Variants in GPLD1 observed in about 807,000 individuals in gnomAD.
GPLD1 encodes the protein phosphatidylinositol-glycan-specific phospholipase D.
GPLD1 carries 84 observed loss-of-function variants against 112.6 expected under a neutral mutation model. That is an observed-to-expected ratio of 0.75 (90% CI 0.63 to 0.89). The LOEUF (loss-of-function observed/expected upper bound fraction) is 0.89, where lower values mean the gene tolerates loss of function less well. Among genes scored for constraint, GPLD1 ranks in the 40% least tolerant of loss-of-function variants. GPLD1 has a pLI of 0.00. For missense variants in GPLD1, 1,044 were observed against 1,051.5 expected (o/e 0.99, Z 0.10); for synonymous variants, 386 against 403.8 (o/e 0.96, Z 0.53).
intron 17 of GPLD1, among the ~76,000 whole-genome samples, chr6:24,447,557 A>G (rs1031635386): frequency 4.3e-4 from 65 of 151,750 alleles, no homozygotes; most frequent in African/African-American, 1.0e-3. Flanking sequence ...AACAACAACA[A>G]CAGCTATGGA....
At chr6:24,480,857 C>G (rs966479383) in intron 2 of GPLD1, among the ~76,000 whole-genome samples, 1 of 152,214 alleles carries the variant, frequency 6.6e-6, no homozygotes, top group African/African-American at 2.4e-5. Flanking sequence ...GGCCCAGCCT[C>G]CACCACGGAG....
chr6:24,440,577 T>C (rs796901303), intron 20 of GPLD1, among the ~76,000 whole-genome samples: 7 of 27,538 alleles, frequency 2.5e-4, no homozygotes, highest in African/African-American at 4.1e-4. Flanking sequence ...GTGTAAAAAA[T>C]ACTCAAAAAA....
chr6:24,430,033 T>A (rs1762354779), intron 24 of GPLD1, among the ~76,000 whole-genome samples: 1 of 152,170 alleles, frequency 6.6e-6, no homozygotes, highest in Non-Finnish European at 1.5e-5. Flanking sequence ...ACTGATGAAA[T>A]CTAGAAATAA....
chr6:24,457,190 A>G (rs770735519), intron 12 of GPLD1, among the ~76,000 whole-genome samples: 22 of 152,208 alleles, frequency 1.4e-4, no homozygotes, highest in Admixed American at 5.9e-4. Context: ...TTTTTAAAAG[A>G]CAAGTCTGTC....
At chr6:24,437,651 C>T (rs140557771) in intron 20 of GPLD1, among the ~76,000 whole-genome samples, 2 of 152,350 alleles carry the variant, frequency 1.3e-5, no homozygotes, top group Non-Finnish European at 2.9e-5. Context: ...CAAGGCCTTA[C>T]AGAATCTGAC....
chr6:24,471,141 G>A (rs977169878), intron 7 of GPLD1, among the ~76,000 whole-genome samples: 3 of 152,148 alleles, frequency 2.0e-5, no homozygotes, highest in Non-Finnish European at 4.4e-5. Flanking sequence ...ATATTGTTCA[G>A]GGACCAAAAG....
intron 23 of GPLD1, 44 bp from the exon 24 acceptor site, chr6:24,433,281 G>GTAA: frequency 6.3e-7 from 1 of 1,590,136 alleles, no homozygotes; most frequent in South Asian, 1.1e-5. Context: ...AGAACATAGT[G>GTAA]TAATACTTTA....
intron 8 of GPLD1, 77 bp downstream of exon 8, chr6:24,467,090 G>A: frequency 5.3e-6 from 6 of 1,141,984 alleles, no homozygotes; most frequent in Non-Finnish European, 6.6e-6. Context: ...TCCAGTCTCA[G>A]GAAACAAAAA....
At chr6:24,436,489 A>G (rs1449782558) in intron 22 of GPLD1, 87 bp downstream of exon 22, 1 of 1,154,674 alleles carries the variant, frequency 8.7e-7, no homozygotes, top group African/African-American at 1.5e-5. Flanking sequence ...AATTCAGGTA[A>G]GCACTTTATA....
intron 7 of GPLD1, 93 bp downstream of exon 7, chr6:24,472,489 C>T: frequency 1.3e-6 from 1 of 747,148 alleles, no homozygotes; most frequent in Non-Finnish European, 2.4e-6. Flanking sequence ...CAGAAGACTT[C>T]TAATTATATT....
intron 13 of GPLD1, among the ~76,000 whole-genome samples, chr6:24,454,516 G>A (rs1022098649): frequency 1.3e-5 from 2 of 152,262 alleles, no homozygotes; most frequent in African/African-American, 4.8e-5. Flanking sequence ...TTGCCTGAGA[G>A]TAGAGAGGAA....
At chr6:24,444,362 T>A (rs185643684) in intron 20 of GPLD1, among the ~76,000 whole-genome samples, 2 of 152,060 alleles carry the variant, frequency 1.3e-5, no homozygotes, top group Non-Finnish European at 2.9e-5. Flanking sequence ...ATATCATATA[T>A]AGTATAAGCT....
rs79980814 is a variant in GPLD1 at position 24,473,825 on chromosome 6, A to G, written c.442-158T>C. ...TCACACTAACATTTTATTAGTAAAA[A>G]AATAATAATAATAAAAAGGCAGGGC... On this transcript the variant is annotated intron_variant, in intron 5 of 24. Coordinates refer to ENST00000230036, the MANE Select transcript of GPLD1 (RefSeq NM_001503.4). Among the ~76,000 whole-genome samples the G allele has an allele frequency of 8.8e-3, 1,340 of 152,270 alleles. 20 individuals are homozygous for G. The highest frequency in any genetic ancestry group is 0.031 in the African/African-American group (1,272 of 41,536).
At chr6:24,436,852 A>G (rs1762594026) in intron 21 of GPLD1, 116 bp from the exon 22 acceptor site, 5 of 1,036,382 alleles carry the variant, frequency 4.8e-6, no homozygotes, top group Non-Finnish European at 7.0e-6. Context: ...TATCTCCTTT[A>G]GTCGGCTGTG....
chr6:24,468,106 A>C (rs1350768275), intron 7 of GPLD1, among the ~76,000 whole-genome samples: 1 of 151,946 alleles, frequency 6.6e-6, no homozygotes, highest in African/African-American at 2.4e-5. Flanking sequence ...GGGTTTCTCC[A>C]TGTTGGTCAG....
At chr6:24,453,699 C>CGCGTGT (rs1554131049) in intron 14 of GPLD1, among the ~76,000 whole-genome samples, 3 of 150,404 alleles carry the variant, frequency 2.0e-5, no homozygotes, top group African/African-American at 7.4e-5. Flanking sequence ...ACATACATTT[C>CGCGTGT]GTGTGTGTGT....
chr6:24,448,137 G>A lies in GPLD1; in HGVS notation c.1518C>T (p.Cys506=). Residue 506 remains cysteine, a synonymous_variant, in exon 16 of 25, where the codon TGC becomes TGT. Coordinates refer to ENST00000230036, the MANE Select transcript of GPLD1 (RefSeq NM_001503.4). ...CTGGCTAAAGTGGTAAACATACCTG[G>A]CAAGAAATGGTGATGTTAGGGGAAG... ...MSSSPNITIS[C]QDIYCNLGWT... is the part of the protein sequence containing the mutation. 6.2e-7 allele frequency: 1 copy of A among 1,611,340 alleles called. No individual in the cohort carries two copies. Among genetic ancestry groups the A allele is most frequent in the Middle Eastern group, 1.7e-4 (1 of 6,058 alleles).
intron 24 of GPLD1, among the ~76,000 whole-genome samples, chr6:24,432,817 G>A (rs910681062): frequency 1.3e-5 from 2 of 152,194 alleles, no homozygotes; most frequent in African/African-American, 2.4e-5. Flanking sequence ...GACGAGCCCG[G>A]CTATGTTCCA....
intron 5 of GPLD1, among the ~76,000 whole-genome samples, chr6:24,473,987 A>T (rs1466913405): frequency 1.3e-5 from 2 of 151,940 alleles, no homozygotes; most frequent in African/African-American, 4.8e-5. Context: ...TTGGCCGGGC[A>T]TGGTGGCGGG....
Sources: gnomAD v4.1 joint callset for allele counts (sites outside exome capture counted in the v4.1 genomes callset) on GRCh38, gnomAD v4.1.1 for gene constraint, MANE v1.5 for transcripts, NCBI Gene and HGNC (gene_info 2026-07-23, HGNC 2026-07-21) for gene names.